The following FBXL7 variants were observed in gnomAD, a reference collection of about 807,000 sequenced individuals.
FBXL7 encodes the protein F-box/LRR-repeat protein 7.
FBXL7 carries 12 observed loss-of-function variants against 38.3 expected under a neutral mutation model. The ratio of observed to expected loss-of-function variants is 0.31; its 90% CI spans 0.20 to 0.51. The LOEUF (loss-of-function observed/expected upper bound fraction) is 0.51. Among genes scored for constraint, FBXL7 ranks in the 20% least tolerant of loss-of-function variants. FBXL7 has a pLI of 0.98. For synonymous variants in FBXL7, 297 were observed against 300.9 expected (o/e 0.99, Z 0.13); for missense variants, 567 against 676.4 (o/e 0.84, Z 1.79).
intron 2 of FBXL7, among the ~76,000 whole-genome samples, chr5:15,779,630 C>T (rs146715314): frequency 1.3e-5 from 2 of 152,036 alleles, no homozygotes; most frequent in Admixed American, 6.6e-5. Flanking sequence ...GAAAATCAGC[C>T]GTGGCCCATT....
At chr5:15,935,641 C>CAAGGGCTACA (rs1742162007) in intron 3 of FBXL7, among the ~76,000 whole-genome samples, 1 of 152,176 alleles carries the variant, frequency 6.6e-6, no homozygotes, top group African/African-American at 2.4e-5. Flanking sequence ...GAGTCTTGTT[C>CAAGGGCTACA]AAGGGCTACA....
intron 1 of FBXL7, among the ~76,000 whole-genome samples, chr5:15,506,896 G>A (rs1420753123): frequency 6.6e-6 from 1 of 151,052 alleles, no homozygotes; most frequent in Admixed American, 6.6e-5. Context: ...CAAAGTGTGA[G>A]GGCATAAATT....
intron 2 of FBXL7, among the ~76,000 whole-genome samples, chr5:15,733,569 A>G (rs1193573323): frequency 1.3e-5 from 2 of 152,222 alleles, no homozygotes; most frequent in Admixed American, 6.5e-5. Flanking sequence ...TGACTGAAAC[A>G]TAACTGTCCT....
At chr5:15,612,226 G>GA (rs35427493) in intron 1 of FBXL7, among the ~76,000 whole-genome samples, 54,026 of 151,468 alleles carry the variant, frequency 0.36, 10,009 homozygotes, top group East Asian at 0.52. Context: ...GGTACTTAGG[G>GA]AAAAAAAGTC....
At chr5:15,884,264 C>A (rs1307937883) in intron 2 of FBXL7, among the ~76,000 whole-genome samples, 1 of 151,688 alleles carries the variant, frequency 6.6e-6, no homozygotes, top group Non-Finnish European at 1.5e-5. Context: ...TTCTTTCTTT[C>A]TTTCTTTCTT....
At chr5:15,626,544 C>CTGTGTGTGTGTGTGTGTGTGTGTG (rs71603784) in intron 2 of FBXL7, among the ~76,000 whole-genome samples, 63 of 148,342 alleles carry the variant, frequency 4.2e-4, no homozygotes, top group South Asian at 4.3e-4. Context: ...AATTCGTTTC[C>CTGTGTGTGTGTGTGTGTGTGTGTG]TGTGTGTGTG....
At chr5:15,523,020 A>G (rs944402661) in intron 1 of FBXL7, among the ~76,000 whole-genome samples, 1 of 152,224 alleles carries the variant, frequency 6.6e-6, no homozygotes, top group African/African-American at 2.4e-5. Context: ...TGTGTAAATG[A>G]AATTTAACTT....
At chr5:15,659,336 A>G (rs985299059) in intron 2 of FBXL7, among the ~76,000 whole-genome samples, 1 of 149,526 alleles carries the variant, frequency 6.7e-6, no homozygotes, top group Non-Finnish European at 1.5e-5. Context: ...TAGAAAAACA[A>G]TAATTAAAAA....
intron 3 of FBXL7, among the ~76,000 whole-genome samples, chr5:15,934,063 G>A (rs565135364): frequency 1.3e-5 from 2 of 152,194 alleles, no homozygotes; most frequent in South Asian, 4.2e-4. Flanking sequence ...GGAGTGCAGT[G>A]GTGCGCTCCA....
intron 1 of FBXL7, among the ~76,000 whole-genome samples, chr5:15,510,972 C>T (rs1188896719): frequency 2.0e-5 from 3 of 152,176 alleles, no homozygotes; most frequent in East Asian, 1.9e-4. Flanking sequence ...TGAGTCACGC[C>T]GGATTTCCCC....
At chr5:15,842,218 T>G (rs1738768552) in intron 2 of FBXL7, among the ~76,000 whole-genome samples, 1 of 152,202 alleles carries the variant, frequency 6.6e-6, no homozygotes, top group Non-Finnish European at 1.5e-5. Context: ...ACCTCTTGCA[T>G]CAGCATGACC....
intron 2 of FBXL7, among the ~76,000 whole-genome samples, chr5:15,648,581 G>A (rs1217719742): frequency 2.0e-5 from 3 of 152,208 alleles, no homozygotes; most frequent in Non-Finnish European, 4.4e-5. Flanking sequence ...GTGCCAAGCG[G>A]ATCAGACCCC....
At chr5:15,892,645 A>G (rs1740950370) in intron 2 of FBXL7, among the ~76,000 whole-genome samples, 1 of 152,310 alleles carries the variant, frequency 6.6e-6, no homozygotes, top group African/African-American at 2.4e-5. Flanking sequence ...ACATTGATTA[A>G]GCAACTACTA....
intron 2 of FBXL7, among the ~76,000 whole-genome samples, chr5:15,836,248 G>C (rs1338272210): frequency 6.6e-6 from 1 of 152,094 alleles, no homozygotes; most frequent in African/African-American, 2.4e-5. Context: ...AAATTGTTTT[G>C]AAAGCTTTGG....
chr5:15,739,936 T>C (rs1735852414), intron 2 of FBXL7, among the ~76,000 whole-genome samples: 1 of 152,146 alleles, frequency 6.6e-6, no homozygotes. Flanking sequence ...GTGATAACTC[T>C]TATATTTGTC....
rs896953285 is a variant in FBXL7, at chr5:15,752,340, G to T, written c.127+136268G>T. On this transcript the variant is annotated intron_variant, in intron 2 of 3. Coordinates refer to ENST00000504595, the MANE Select transcript of FBXL7 (RefSeq NM_012304.5). The stretch of plus-strand genomic sequence containing the variant: ...GAATTCAAATCTTGGGGGAAAAATG[G>T]AAGGAGACATATGCTTAAGATGATC... Among the ~76,000 whole-genome samples the T allele has an allele frequency of 2.0e-5, 3 of 152,220 alleles. No homozygotes were observed. The South Asian group carries it at 6.2e-4, about 32-fold the overall frequency.
chr5:15,766,187 C>T (rs946332346), intron 2 of FBXL7, among the ~76,000 whole-genome samples: 2 of 152,182 alleles, frequency 1.3e-5, no homozygotes, highest in Admixed American at 1.3e-4. Flanking sequence ...TCCCCAAATA[C>T]GGAATGCCTT....
chr5:15,515,121 A>T (rs1262953462), intron 1 of FBXL7, among the ~76,000 whole-genome samples: 1 of 152,220 alleles, frequency 6.6e-6, no homozygotes, highest in Non-Finnish European at 1.5e-5. Flanking sequence ...CTGTTTTGGC[A>T]GTGGCCATGG....
At chr5:15,690,968 T>C (rs1472354846) in intron 2 of FBXL7, among the ~76,000 whole-genome samples, 1 of 152,234 alleles carries the variant, frequency 6.6e-6, no homozygotes, top group African/African-American at 2.4e-5. Flanking sequence ...GTTGGCACTC[T>C]AAGTTAAGGG....
Sources: gnomAD v4.1 joint callset for allele counts (sites outside exome capture counted in the v4.1 genomes callset) on GRCh38, gnomAD v4.1.1 for gene constraint, MANE v1.5 for transcripts, NCBI Gene and HGNC (gene_info 2026-07-23, HGNC 2026-07-21) for gene names.